The following CDH13 variants were observed in gnomAD, a reference collection of about 807,000 sequenced individuals.
CDH13 encodes the protein cadherin-13.
In CDH13, 24 loss-of-function variants were observed where a neutral mutation model predicts 63.8. The ratio of observed to expected loss-of-function variants is 0.38; its 90% CI spans 0.27 to 0.53. The LOEUF is 0.53. Among genes scored for constraint, CDH13 ranks in the 20% least tolerant of loss-of-function variants. The pLI, the probability that CDH13 is intolerant of heterozygous loss-of-function variation, is 0.85. For synonymous variants in CDH13, 503 were observed against 355.3 expected (o/e 1.42, Z -4.67); for missense variants, 1,049 against 903.1 (o/e 1.16, Z -2.07).
At chr16:83,482,972 C>A (rs1456715871) in intron 6 of CDH13, among the ~76,000 whole-genome samples, 1 of 152,192 alleles carries the variant, frequency 6.6e-6, no homozygotes, top group Non-Finnish European at 1.5e-5. Flanking sequence ...TTGGATAATG[C>A]AAGGCTTCCT....
At chr16:83,665,248 G>T (rs1188006299) in intron 8 of CDH13, among the ~76,000 whole-genome samples, 1 of 152,138 alleles carries the variant, frequency 6.6e-6, no homozygotes, top group Non-Finnish European at 1.5e-5. Context: ...ATGGCAGACT[G>T]TGATAAGAGC....
chr16:83,199,970 A>G (rs2038978121), intron 4 of CDH13, among the ~76,000 whole-genome samples: 1 of 152,158 alleles, frequency 6.6e-6, no homozygotes, highest in Non-Finnish European at 1.5e-5. Flanking sequence ...GGACCTAGAG[A>G]AATGAAGGCA....
At chr16:83,262,476 G>C (rs369204394) in intron 5 of CDH13, among the ~76,000 whole-genome samples, 1 of 152,292 alleles carries the variant, frequency 6.6e-6, no homozygotes, top group African/African-American at 2.4e-5. Context: ...ATATGGTGCA[G>C]GTGAAGCACC....
chr16:83,472,394 A>T (rs1598099037), intron 6 of CDH13, among the ~76,000 whole-genome samples: 2 of 152,178 alleles, frequency 1.3e-5, no homozygotes, highest in African/African-American at 4.8e-5. Context: ...TGATGAATAG[A>T]TCTCTCCCCT....
chr16:82,951,281 G>A (rs1166594483), intron 2 of CDH13, among the ~76,000 whole-genome samples: 37 of 152,184 alleles, frequency 2.4e-4, no homozygotes. Context: ...GGAGAGGAAA[G>A]ACTGCCTGTG....
intron 7 of CDH13, among the ~76,000 whole-genome samples, chr16:83,520,046 A>G (rs1377953737): frequency 1.3e-5 from 2 of 152,230 alleles, no homozygotes; most frequent in Non-Finnish European, 1.5e-5. Flanking sequence ...AATGTTCACC[A>G]TTGCTAAAAC....
intron 10 of CDH13, among the ~76,000 whole-genome samples, chr16:83,685,749 A>G (rs1904302551): frequency 6.6e-6 from 1 of 152,146 alleles, no homozygotes; most frequent in Admixed American, 6.5e-5. Context: ...GAGTGGCACA[A>G]ATTGCTTCTT....
chr16:83,218,954 C>T (rs1379996645), intron 5 of CDH13, among the ~76,000 whole-genome samples: 2 of 152,152 alleles, frequency 1.3e-5, no homozygotes, highest in African/African-American at 2.4e-5. Flanking sequence ...TCCCCTTGTT[C>T]TTCCTCCATC....
chr16:83,341,067 C>G (rs1355513781), intron 5 of CDH13, among the ~76,000 whole-genome samples: 1 of 152,174 alleles, frequency 6.6e-6, no homozygotes, highest in African/African-American at 2.4e-5. Flanking sequence ...CAGTAGGTTT[C>G]TACCAAGTGG....
At chr16:82,816,561 A>G (rs2151190845) in intron 1 of CDH13, among the ~76,000 whole-genome samples, 1 of 152,178 alleles carries the variant, frequency 6.6e-6, no homozygotes, top group Admixed American at 6.5e-5. Context: ...GAAAGAGGCA[A>G]AGGAATGAAA....
intron 6 of CDH13, among the ~76,000 whole-genome samples, chr16:83,448,434 C>G (rs145415501): frequency 2.0e-5 from 3 of 152,250 alleles, no homozygotes; most frequent in African/African-American, 7.2e-5. Context: ...GATCTCTTCC[C>G]TAGAACAAGA....
chr16:83,196,454 A>G (rs982454897), intron 4 of CDH13, among the ~76,000 whole-genome samples: 4 of 152,184 alleles, frequency 2.6e-5, no homozygotes, highest in Non-Finnish European at 5.9e-5. Flanking sequence ...TCAAAATTTG[A>G]AACTTTTGCT....
intron 4 of CDH13, among the ~76,000 whole-genome samples, chr16:83,211,181 T>A (rs1416815585): frequency 6.6e-6 from 1 of 151,082 alleles, no homozygotes; most frequent in Admixed American, 6.6e-5. Context: ...GAAAAACTGA[T>A]GAAATCTGAA....
intron 12 of CDH13, among the ~76,000 whole-genome samples, chr16:83,780,724 C>T (rs1915457604): frequency 1.3e-5 from 2 of 152,174 alleles, no homozygotes; most frequent in Admixed American, 6.6e-5. Flanking sequence ...TTTAATTAAA[C>T]TCCACAGATT....
chr16:83,107,610 G>C (rs141289427), intron 3 of CDH13, among the ~76,000 whole-genome samples: 2 of 152,226 alleles, frequency 1.3e-5, no homozygotes, highest in African/African-American at 2.4e-5. Flanking sequence ...GTCCTCTTCA[G>C]TGCAATGAGC....
intron 1 of CDH13, among the ~76,000 whole-genome samples, chr16:82,760,492 C>T (rs1420151360): frequency 6.6e-6 from 1 of 152,022 alleles, no homozygotes. Flanking sequence ...ATTACAACAC[C>T]TTACTTTAGG....
Position 83,323,607 on chromosome 16 carries a change from G to GA in CDH13, c.637-21248dup, listed in dbSNP as rs557871380. 6.6e-5 allele frequency among the ~76,000 whole-genome samples: 10 copies of GA among 151,494 alleles called. No individual in the cohort carries two copies. In the South Asian group the frequency reaches 8.4e-4, roughly 13 times the overall value. On this transcript the variant is annotated intron_variant, in intron 5 of 13. Transcript: ENST00000567109. ...AAGACCTCTCTACCTTAAACCTCTG[G>GA]AAAAAAACAAAAACAAAAATAAACA...
At chr16:83,317,802 G>GA (rs746277121) in intron 5 of CDH13, among the ~76,000 whole-genome samples, 1,666 of 132,754 alleles carry the variant, frequency 0.013, 21 homozygotes, top group African/African-American at 0.04. Context: ...TCTGTCTCAA[G>GA]AAAAAAAAAA....
At chr16:82,974,491 A>G (rs1176292026) in intron 2 of CDH13, among the ~76,000 whole-genome samples, 1 of 152,190 alleles carries the variant, frequency 6.6e-6, no homozygotes, top group African/African-American at 2.4e-5. Context: ...CACAGGTATG[A>G]CAGGCAGAAT....
Sources: allele counts gnomAD v4.1 joint callset (sites outside exome capture counted in the v4.1 genomes callset), GRCh38; gene constraint gnomAD v4.1.1; transcripts MANE v1.5; gene names NCBI Gene and HGNC (gene_info 2026-07-23, HGNC 2026-07-21).